GNA11: variants seen among roughly 807,000 people sequenced by gnomAD.
GNA11 encodes the protein guanine nucleotide-binding protein subunit alpha-11.
Under a neutral mutation model 38.2 loss-of-function variants are expected in GNA11, and 8 were observed. That is an observed-to-expected ratio of 0.21 (90% CI 0.12 to 0.38). The LOEUF is 0.38. Among genes scored for constraint, GNA11 ranks in the 10% least tolerant of loss-of-function variants. The pLI, the probability that GNA11 is intolerant of heterozygous loss-of-function variation, is 1.00. For synonymous variants in GNA11, 211 were observed against 221.4 expected (o/e 0.95, Z 0.42); for missense variants, 268 against 516.3 (o/e 0.52, Z 4.66).
Position 3,120,955 on chromosome 19 carries a change from CT to C in GNA11, c.890-33del, listed in dbSNP as rs770043233. 1.2e-5 allele frequency: 19 copies of C among 1,556,966 alleles called. No individual in the cohort carries two copies. The highest frequency in any genetic ancestry group is 1.7e-5 in the Non-Finnish European group (19 of 1,136,806). ...CACGAGTCCCTTGCCCTGGGCCGGG[CT>C]GGGGCACAGCCTCACCCTCTGCCCT... On this transcript the variant is annotated intron_variant, in intron 6 of 6. Coordinates refer to ENST00000078429, the MANE Select transcript of GNA11 (RefSeq NM_002067.5). The surrounding 1 kb of genome is among the most constrained non-coding windows in gnomAD (Gnocchi z 5.9).
intron 1 of GNA11, among the ~76,000 whole-genome samples, chr19:3,098,173 G>A (rs1220556213): frequency 2.6e-5 from 4 of 152,228 alleles, no homozygotes; most frequent in Admixed American, 6.5e-5. Context: ...TTTTATACCC[G>A]TGGTATTCCA....
At chr19:3,104,781 C>T (rs2145310445) in intron 1 of GNA11, among the ~76,000 whole-genome samples, 1 of 152,310 alleles carries the variant, frequency 6.6e-6, no homozygotes, top group Middle Eastern at 3.4e-3. Context: ...ACTGCCACAC[C>T]TCACTGAGGA....
chr19:3,123,287 C>G lies in GNA11; in HGVS notation c.*2108C>G, dbSNP rs572942631. On this transcript the variant is annotated 3_prime_UTR_variant, in exon 7 of 7. Transcript: ENST00000078429. ...CAGGGAGGGGGCGTGCCAAGCATCC[C>G]AGAGCCGGGCTGGGACCGCCAAAAC... 1 of 233,382 alleles carries G rather than the reference C, an allele frequency of 4.3e-6. No individual in the cohort carries two copies. The highest frequency in any genetic ancestry group is 6.0e-5 in the East Asian group (1 of 16,578). 14.5% of individuals were successfully genotyped at this position (233,382 alleles called of 1,614,324 possible). A position where few individuals can be genotyped will look rare whatever the true frequency, so the allele number is the denominator to read the frequency against.
intron 4 of GNA11, chr19:3,115,321 C>T (rs868156153): frequency 6.2e-5 from 27 of 433,506 alleles, no homozygotes; most frequent in Middle Eastern, 1.3e-3. Flanking sequence ...AGGAGGATCG[C>T]TCAAGCCCAG....
chr19:3,109,760 T>A (rs308060), intron 1 of GNA11, among the ~76,000 whole-genome samples: 1 of 152,162 alleles, frequency 6.6e-6, no homozygotes, highest in African/African-American at 2.4e-5. Context: ...GTCCCTCTGG[T>A]GAGCATTGGT....
chr19:3,119,199 C>T lies in GNA11; in HGVS notation c.736-7C>T, dbSNP rs369692834. The T allele has an allele frequency of 6.2e-7, 1 of 1,613,398 alleles. No individual in the cohort carries two copies. Among genetic ancestry groups the T allele is most frequent in the Non-Finnish European group, 8.5e-7 (1 of 1,179,656 alleles). On this transcript the variant is annotated splice_region_variant and splice_polypyrimidine_tract_variant and intron_variant, in intron 5 of 6. Transcript: ENST00000078429. The surrounding 1 kb of genome is among the most constrained non-coding windows in gnomAD (Gnocchi z 4.6). ...CCTCTGATTCCCTCTGCCTTCGCTC[C>T]CGCCAGAACCGGATGGAGGAGAGCA... is the stretch of plus-strand genomic sequence containing the variant.
Position 3,122,944 on chromosome 19 carries a change from ACC to A in GNA11, c.*1774_*1775del, listed in dbSNP as rs56197875. The A allele has an allele frequency of 4.5e-6, 1 of 223,700 alleles. No individual in the cohort carries two copies. Among genetic ancestry groups the A allele is most frequent in the Non-Finnish European group, 8.8e-6 (1 of 114,006 alleles). The allele number at this position is 223,700 out of a possible 1,614,324, so 13.9% of individuals were successfully genotyped here. A position where few individuals can be genotyped will look rare whatever the true frequency, so the allele number is the denominator to read the frequency against. On this transcript the variant is annotated 3_prime_UTR_variant, in exon 7 of 7. Coordinates refer to ENST00000078429, the MANE Select transcript of GNA11 (RefSeq NM_002067.5). This position sits in a 1 kb window ranked among gnomAD's most constrained non-coding sequence, Gnocchi z 7.7. Reference sequence around the variant, plus strand: ...CATGGGGAGACGGGGCTGGCGGGATACCCCCCCCCCGGCTTCCCCACACCACT... The same window carrying A: ...CATGGGGAGACGGGGCTGGCGGGATACCCCCCCCGGCTTCCCCACACCACT...
At chr19:3,095,851 G>A (rs1282962471) in intron 1 of GNA11, among the ~76,000 whole-genome samples, 4 of 152,116 alleles carry the variant, frequency 2.6e-5, no homozygotes, top group African/African-American at 9.7e-5. Flanking sequence ...CCTGGAGAAG[G>A]TTTGCTGGTG....
chr19:3,121,479 G>GA lies in GNA11; in HGVS notation c.*307dup, dbSNP rs1007384689. Reference sequence around the variant, plus strand: ...TAAAAAAAAAAAAAAAAGAAAGAAAGAAAAAAAGCAACGAAACATAAAACA... The same window carrying GA: ...TAAAAAAAAAAAAAAAAGAAAGAAAGAAAAAAAAGCAACGAAACATAAAACA... On this transcript the variant is annotated 3_prime_UTR_variant, in exon 7 of 7. Coordinates refer to ENST00000078429, the MANE Select transcript of GNA11 (RefSeq NM_002067.5). 36 of 249,792 alleles carry GA rather than the reference G, an allele frequency of 1.4e-4. No homozygotes were observed. Among genetic ancestry groups the GA allele is most frequent in the African/African-American group, 6.8e-4 (30 of 43,954 alleles). The allele number at this position is 249,792 out of a possible 1,614,324, so 15.5% of individuals were successfully genotyped here.
At chr19:3,109,689 G>C (rs140965488) in intron 1 of GNA11, among the ~76,000 whole-genome samples, 306 of 152,304 alleles carry the variant, frequency 2.0e-3, no homozygotes, top group African/African-American at 7.0e-3. Context: ...GGGGTGGTCT[G>C]TGCAGAGATG....
rs1489168398 is a variant in GNA11, at chr19:3,121,517, G to A, written c.*338G>A. ...GAAACATAAAACACACAAGCGCCCC[G>A]TGCCCCCAGTGACTCTGGGCCTCAC... On this transcript the variant is annotated 3_prime_UTR_variant, in exon 7 of 7. Transcript: ENST00000078429. 3 of 230,910 alleles carry A rather than the reference G, an allele frequency of 1.3e-5. No homozygotes were observed. Among genetic ancestry groups the A allele is most frequent in the South Asian group, 1.4e-4 (1 of 6,960 alleles). The allele number at this position is 230,910 out of a possible 1,614,324, so 14.3% of individuals were successfully genotyped here.
At chr19:3,112,600 C>T (rs989857788) in intron 2 of GNA11, among the ~76,000 whole-genome samples, 3 of 152,244 alleles carry the variant, frequency 2.0e-5, no homozygotes, top group East Asian at 3.8e-4. Flanking sequence ...CGTGTCTGTG[C>T]GGTTGGCCTT....
chr19:3,116,325 A>G (rs1913920914), intron 4 of GNA11, among the ~76,000 whole-genome samples: 1 of 152,078 alleles, frequency 6.6e-6, no homozygotes, highest in South Asian at 2.1e-4. Context: ...TGAGACTCCC[A>G]CCGCAGGCCT....
At chr19:3,111,680 G>A (rs763797200) in intron 2 of GNA11, among the ~76,000 whole-genome samples, 1 of 152,236 alleles carries the variant, frequency 6.6e-6, no homozygotes, top group African/African-American at 2.4e-5. Flanking sequence ...TGCATGCTAC[G>A]CCTGGGAGCA....
chr19:3,105,743 C>T (rs1387643609), intron 1 of GNA11, among the ~76,000 whole-genome samples: 2 of 152,178 alleles, frequency 1.3e-5, no homozygotes, highest in South Asian at 2.1e-4. Context: ...TGCCCAGCGC[C>T]GAGCAGCGGT....
chr19:3,116,864 G>T (rs1268433494), intron 4 of GNA11, among the ~76,000 whole-genome samples: 2 of 152,192 alleles, frequency 1.3e-5, no homozygotes, highest in African/African-American at 2.4e-5. Context: ...GGAAGTCTGT[G>T]GGGTTTTCCT....
At chr19:3,113,233 C>CG in intron 2 of GNA11, 97 bp from the exon 3 acceptor site, 9 of 1,210,136 alleles carry the variant, frequency 7.4e-6, no homozygotes, top group Non-Finnish European at 1.1e-5. Context: ...GAATGCCGCC[C>CG]GGGCCAGCCG....
intron 1 of GNA11, among the ~76,000 whole-genome samples, chr19:3,103,218 A>G (rs1913548411): frequency 6.6e-6 from 1 of 151,828 alleles, no homozygotes; most frequent in African/African-American, 2.4e-5. Flanking sequence ...TTATTTATTT[A>G]TTTATTTATT....
Position 3,119,786 on chromosome 19 carries a change from G to A in GNA11, c.889+427G>A, listed in dbSNP as rs1482703774. 6.6e-6 allele frequency among the ~76,000 whole-genome samples: 1 copy of A among 151,932 alleles called. No homozygotes were observed. Among genetic ancestry groups the A allele is most frequent in the Non-Finnish European group, 1.5e-5 (1 of 67,924 alleles). The stretch of plus-strand genomic sequence containing the variant: ...CCATATGGGAGGGGTCTCACAGGAA[G>A]GGTTCACGCACACTGCCAGCGCAGC... On this transcript the variant is annotated intron_variant, in intron 6 of 6. Coordinates refer to ENST00000078429, the MANE Select transcript of GNA11 (RefSeq NM_002067.5). This position sits in a 1 kb window ranked among gnomAD's most constrained non-coding sequence, Gnocchi z 4.6.
Sources: allele counts gnomAD v4.1 joint callset (sites outside exome capture counted in the v4.1 genomes callset), GRCh38; gene constraint gnomAD v4.1.1; non-coding constraint Gnocchi (gnomAD v3.1); transcripts MANE v1.5; gene names NCBI Gene and HGNC (gene_info 2026-07-23, HGNC 2026-07-21).